Variants in HARS1 observed in about 807,000 individuals in gnomAD.
HARS1 encodes histidine--tRNA ligase, cytoplasmic.
Under a neutral mutation model 63.6 loss-of-function variants are expected in HARS1, and 45 were observed. That is an observed-to-expected ratio of 0.71 (90% confidence interval 0.56 to 0.91). HARS1 has a LOEUF of 0.91. Ranked by LOEUF, HARS1 falls within the 40% of genes least tolerant of loss-of-function variation. HARS1 has a pLI of 0.00. For synonymous variants in HARS1, 205 were observed against 247.1 expected (o/e 0.83, Z 1.60); for missense variants, 508 against 643.2 (o/e 0.79, Z 2.27).
chr5:140,686,536 G>A (rs999902927), intron 2 of HARS1, among the ~76,000 whole-genome samples: 1 of 151,550 alleles, frequency 6.6e-6, no homozygotes, highest in South Asian at 2.1e-4. Flanking sequence ...ACCACACCCA[G>A]TAGAAAACTC....
At chr5:140,690,212 GA>G (rs759462853) in intron 2 of HARS1, among the ~76,000 whole-genome samples, 8 of 152,150 alleles carry the variant, frequency 5.3e-5, no homozygotes, top group Non-Finnish European at 8.8e-5. Context: ...AGCACTTTGG[GA>G]GACTGAGGCG....
intron 2 of HARS1, among the ~76,000 whole-genome samples, chr5:140,689,403 A>C (rs961795814): frequency 6.6e-6 from 1 of 152,064 alleles, no homozygotes; most frequent in Admixed American, 6.5e-5. Context: ...AGGCTATGTA[A>C]ATAGTTGCTA....
At chr5:140,682,850 A>G (rs1758803436) in intron 3 of HARS1, 1 of 425,828 alleles carries the variant, frequency 2.3e-6, no homozygotes, top group Admixed American at 3.8e-5. Flanking sequence ...AATACAATGT[A>G]GAGAGGACCC....
intron 12 of HARS1, 66 bp from the exon 13 acceptor site, chr5:140,674,394 T>C: frequency 8.8e-7 from 1 of 1,132,540 alleles, no homozygotes; most frequent in Admixed American, 1.7e-5. Flanking sequence ...GAGTGCCTAG[T>C]TTCCTCTAGC....
At chr5:140,686,604 T>C (rs912751744) in intron 2 of HARS1, among the ~76,000 whole-genome samples, 51 of 128,064 alleles carry the variant, frequency 4.0e-4, no homozygotes, top group Non-Finnish European at 2.5e-4. Flanking sequence ...TCTAAAATTC[T>C]TTTTTTTTTT....
chr5:140,681,166 G>C (rs1477347797), intron 3 of HARS1, among the ~76,000 whole-genome samples: 1 of 152,104 alleles, frequency 6.6e-6, no homozygotes, highest in African/African-American at 2.4e-5. Flanking sequence ...TAGTGTTACG[G>C]GCTGAACTGT....
chr5:140,679,813 A>G lies in HARS1; in HGVS notation c.371T>C (p.Leu124Pro). Residue 124 changes from leucine to proline, a missense_variant, in exon 4 of 13, where the codon CTC (leucine) becomes CCC (proline). By Grantham distance (98) the Leu-to-Pro change is moderately conservative. Around this residue, in one of 2 missense-constraint regions of HARS1, gnomAD observed 403 missense variants for 548.7 expected, o/e 0.73. Coordinates refer to ENST00000504156, the MANE Select transcript of HARS1 (RefSeq NM_002109.6). This position sits in a 1 kb window ranked among gnomAD's most constrained non-coding sequence, Gnocchi z 4.3. ...AGTGAGGTCATAGCGAAGGGACAGG[A>G]GCTCCCCGCCCTGGTCCTTCAGGTC... ...IYDLKDQGGE[L>P]LSLRYDLTVP... is the part of the protein sequence containing the mutation. 1 of 1,605,762 alleles carries G rather than the reference A, an allele frequency of 6.2e-7. No homozygotes were observed. The highest frequency in any genetic ancestry group is 8.5e-7 in the Non-Finnish European group (1 of 1,172,682).
chr5:140,675,269 T>C (rs1390445590), intron 10 of HARS1, 136 bp from the exon 11 acceptor site: 4 of 663,032 alleles, frequency 6.0e-6, no homozygotes, highest in Non-Finnish European at 1.1e-5. Context: ...ATCTAGCACC[T>C]TGGGCATAAA....
chr5:140,682,897 GA>G, intron 3 of HARS1: 1 of 498,460 alleles, frequency 2.0e-6, no homozygotes. Flanking sequence ...CTCTCTTTTG[GA>G]ATCTGCTGGC....
rs759948191 is a variant in HARS1 at position 140,679,170 on chromosome 5, C to G, written c.397-43G>C. 4 of 1,606,564 alleles carry G rather than the reference C, an allele frequency of 2.5e-6. No individual in the cohort carries two copies. The highest frequency in any genetic ancestry group is 3.4e-6 in the Non-Finnish European group (4 of 1,174,980). On this transcript the variant is annotated intron_variant, in intron 4 of 12. Transcript: ENST00000504156. This position sits in a 1 kb window ranked among gnomAD's most constrained non-coding sequence, Gnocchi z 4.3. ...AGGAGAAAGCCCCTCCTATCACTGT[C>G]TGCAAGTTGATTATCATCACCAACA...
chr5:140,691,073 C>A, intron 1 of HARS1, 129 bp from the exon 2 acceptor site: 1 of 898,756 alleles, frequency 1.1e-6, no homozygotes, highest in Non-Finnish European at 1.8e-6. Context: ...GGGACCCACC[C>A]CGGATGTCTC....
At chr5:140,675,248 C>A in intron 10 of HARS1, 115 bp from the exon 11 acceptor site, 1 of 713,334 alleles carries the variant, frequency 1.4e-6, no homozygotes, top group South Asian at 1.6e-5. Flanking sequence ...GGGCAGGGGC[C>A]CTGTCTTCTC....
At chr5:140,681,367 T>C (rs561441382) in intron 3 of HARS1, among the ~76,000 whole-genome samples, 2 of 152,196 alleles carry the variant, frequency 1.3e-5, no homozygotes, top group East Asian at 1.9e-4. Flanking sequence ...GGGAAGACGA[T>C]GTAAAGACAA....
chr5:140,677,568 A>G, intron 7 of HARS1, 87 bp downstream of exon 7: 5 of 1,076,588 alleles, frequency 4.6e-6, no homozygotes, highest in Non-Finnish European at 7.2e-6. Context: ...GTATAGAGGC[A>G]TGCACCTCTC....
chr5:140,684,914 T>C (rs1345378089), intron 2 of HARS1: 2 of 152,240 alleles, frequency 1.3e-5, no homozygotes, highest in East Asian at 3.8e-4. Flanking sequence ...TTTACATCTT[T>C]GCAAATCTTT....
rs1758595026 is a variant in HARS1 at position 140,679,560 on chromosome 5, A to G, written c.396+228T>C. 5 of 489,690 alleles carry G rather than the reference A, an allele frequency of 1.0e-5. No homozygotes were observed. Among genetic ancestry groups the G allele is most frequent in the Non-Finnish European group, 1.4e-5 (4 of 278,734 alleles). The allele number at this position is 489,690 out of a possible 1,614,324, so 30.3% of individuals were successfully genotyped here. On this transcript the variant is annotated intron_variant, in intron 4 of 12. Coordinates refer to ENST00000504156, the MANE Select transcript of HARS1 (RefSeq NM_002109.6). The surrounding 1 kb of genome is among the most constrained non-coding windows in gnomAD (Gnocchi z 4.3). Reference sequence around the variant, plus strand: ...TTCTGGAGCCAGGGGATGACTGTAGAGTTGGAACTGGGCCCTGACATCAAG... The same window carrying G: ...TTCTGGAGCCAGGGGATGACTGTAGGGTTGGAACTGGGCCCTGACATCAAG...
rs1202503765 is a variant in HARS1 at position 140,679,059 on chromosome 5, T to C, written c.465A>G (p.Val155=). 4.3e-6 allele frequency: 7 copies of C among 1,614,094 alleles called. No homozygotes were observed. The highest frequency in any genetic ancestry group is 5.9e-6 in the Non-Finnish European group (7 of 1,179,910). The change falls in exon 5 of 13, where the codon GTA becomes GTG. Residue 155 remains valine, a synonymous_variant. Transcript: ENST00000504156. This position sits in a 1 kb window ranked among gnomAD's most constrained non-coding sequence, Gnocchi z 4.3. ...TCATGGCTGGGTTATCCCGCCGATATACCTTTGCTATGTGGTAGCGTTTAA... is the reference window on the plus strand; with the variant it reads ...TCATGGCTGGGTTATCCCGCCGATACACCTTTGCTATGTGGTAGCGTTTAA... ...TNIKRYHIAK[V]YRRDNPAMTR...
chr5:140,684,334 T>C (rs1435077832), intron 2 of HARS1: 2 of 981,764 alleles, frequency 2.0e-6, no homozygotes, highest in Non-Finnish European at 2.4e-6. Flanking sequence ...CAAACAAAAA[T>C]AATAACAACA....
At position 140,674,149 on chromosome 5, in the gene HARS1, G is replaced by A. The variant is rs901169960; in HGVS notation, c.*108C>T. The A allele has an allele frequency of 1.3e-6, 1 of 783,578 alleles. No homozygotes were observed. The highest frequency in any genetic ancestry group is 2.3e-6 in the Non-Finnish European group (1 of 429,832). The allele number at this position is 783,578 out of a possible 1,614,324, so 48.5% of individuals were successfully genotyped here. Reference sequence around the variant, plus strand: ...AGGCTCTGTTCTGACCACTCTTCAGGTCTTCCGCTGAAACGGAAAAGTGCA... The same window carrying A: ...AGGCTCTGTTCTGACCACTCTTCAGATCTTCCGCTGAAACGGAAAAGTGCA... On this transcript the variant is annotated 3_prime_UTR_variant, in exon 13 of 13. Transcript: ENST00000504156.
Sources: allele counts gnomAD v4.1 joint callset (sites outside exome capture counted in the v4.1 genomes callset), GRCh38; gene constraint gnomAD v4.1.1; regional missense constraint gnomAD v4.1.1; non-coding constraint Gnocchi (gnomAD v3.1); transcripts MANE v1.5; gene names NCBI Gene and HGNC (gene_info 2026-07-23, HGNC 2026-07-21).